Variants in ADGRV1 observed in about 807,000 individuals in gnomAD.
ADGRV1 encodes adhesion G protein-coupled receptor V1.
ADGRV1 carries 359 observed loss-of-function variants against 596.2 expected under a neutral mutation model. The ratio of observed to expected loss-of-function variants is 0.60; its 90% CI spans 0.55 to 0.66. ADGRV1 has a LOEUF of 0.66. Ranked by LOEUF, ADGRV1 falls within the 30% of genes least tolerant of loss-of-function variation. ADGRV1 has a pLI of 0.00. For synonymous variants in ADGRV1, 2,681 were observed against 2,679.2 expected (o/e 1.00, Z -0.02); for missense variants, 7,274 against 7,575.6 (o/e 0.96, Z 1.48).
intron 6 of ADGRV1, chr5:90,626,326 C>A (rs1764752654): frequency 6.6e-6 from 1 of 151,870 alleles, no homozygotes. Context: ...GCAAAAAAAC[C>A]TTTTTGTTTT....
chr5:90,741,693 TA>T (rs1407648477), intron 50 of ADGRV1, among the ~76,000 whole-genome samples: 1 of 152,216 alleles, frequency 6.6e-6, no homozygotes, highest in African/African-American at 2.4e-5. Flanking sequence ...GCCAGAGACT[TA>T]TTAAAGGACC....
At chr5:90,799,192 C>A (rs748855297) in intron 70 of ADGRV1, among the ~76,000 whole-genome samples, 61 of 152,134 alleles carry the variant, frequency 4.0e-4, no homozygotes, top group Non-Finnish European at 2.1e-4. Context: ...CATCTCAGCC[C>A]CAGATATCCT....
At chr5:90,774,551 T>C (rs1162895945) in intron 60 of ADGRV1, among the ~76,000 whole-genome samples, 2 of 152,170 alleles carry the variant, frequency 1.3e-5, no homozygotes, top group African/African-American at 4.8e-5. Flanking sequence ...AATGAAGATG[T>C]TTATTGTAGC....
intron 83 of ADGRV1, among the ~76,000 whole-genome samples, chr5:90,950,727 A>G (rs1242197045): frequency 2.0e-5 from 3 of 152,220 alleles, no homozygotes; most frequent in Non-Finnish European, 4.4e-5. Flanking sequence ...CCATTGAGTG[A>G]TGCACAGATG....
At chr5:91,091,014 G>A (rs1248773110) in intron 86 of ADGRV1, among the ~76,000 whole-genome samples, 3 of 152,102 alleles carry the variant, frequency 2.0e-5, no homozygotes, top group African/African-American at 4.8e-5. Flanking sequence ...TCTCACCGTG[G>A]TTTGTGGTCA....
Position 90,840,599 on chromosome 5 carries a change from A to C in ADGRV1, c.16633A>C (p.Ile5545Leu). The C allele has an allele frequency of 6.2e-7, 1 of 1,607,014 alleles. No individual in the cohort carries two copies. The highest frequency in any genetic ancestry group is 1.1e-5 in the South Asian group (1 of 90,534). ...STQELRSAET[I>L]GRTIISPAIS... ...CTAGGAGTTGAGGAGTGCTGAAACA[A>C]TTGGTCGTACCATCATATCTCCAGC... The change falls in exon 78 of 90, where the codon ATT becomes CTT. Residue 5545 changes from isoleucine (I) to leucine (L), a missense_variant. Physicochemically the swap from Ile to Leu is conservative, Grantham distance 5. Transcript: ENST00000405460.
intron 85 of ADGRV1, among the ~76,000 whole-genome samples, chr5:91,012,073 T>C (rs914856371): frequency 1.3e-5 from 2 of 152,108 alleles, no homozygotes; most frequent in Non-Finnish European, 1.5e-5. Flanking sequence ...GGACCTGAAA[T>C]ACAAACGACT....
chr5:90,594,002 C>T (rs1424172781), intron 1 of ADGRV1, among the ~76,000 whole-genome samples: 1 of 152,080 alleles, frequency 6.6e-6, no homozygotes, highest in African/African-American at 2.4e-5. Context: ...AAATAGTGAA[C>T]ATTTTTATAA....
intron 42 of ADGRV1, 68 bp downstream of exon 42, chr5:90,712,496 G>A (rs963888389): frequency 4.4e-5 from 50 of 1,148,522 alleles, no homozygotes; most frequent in Non-Finnish European, 5.7e-5. Context: ...GGGGGAAGAT[G>A]TAAAGGAATG....
chr5:90,633,768 A>G lies in ADGRV1; in HGVS notation c.1840-1346A>G, dbSNP rs1265174297. On this transcript the variant is annotated intron_variant, in intron 9 of 89. Coordinates refer to ENST00000405460, the MANE Select transcript of ADGRV1 (RefSeq NM_032119.4). ...TTTTATGTGGCTTCATCTATATGCC[A>G]ATACTTGACAAAATTGATCAATCTA... Among the ~76,000 whole-genome samples, 3 of 152,288 alleles carry G rather than the reference A, an allele frequency of 2.0e-5. No individual in the cohort carries two copies. The East Asian group carries it at 5.8e-4, about 29-fold the overall frequency.
Position 90,694,114 on chromosome 5 carries a change from C to T in ADGRV1, c.7358C>T (p.Ser2453Leu). 4.3e-6 allele frequency: 7 copies of T among 1,613,776 alleles called. 1 individual carries two copies. The highest frequency in any genetic ancestry group is 2.7e-5 in the African/African-American group (2 of 75,034). Residue 2453 changes from serine to leucine, a missense_variant, in exon 33 of 90, where the codon TCA (serine) becomes TTA (leucine). Coordinates refer to ENST00000405460, the MANE Select transcript of ADGRV1 (RefSeq NM_032119.4). ...AAGGAACAAGCTTGCTCAGCGTTTTCATTTTTCAGTGCTTCTGAGGGTCCC... is the reference window on the plus strand; with the variant it reads ...AAGGAACAAGCTTGCTCAGCGTTTTTATTTTTCAGTGCTTCTGAGGGTCCC... ...CLKEQACSAF[S>L]FFSASEGPQC...
At position 90,791,272 on chromosome 5, in the gene ADGRV1, G is replaced by A. The variant is rs1047853698; in HGVS notation, c.14443G>A (p.Glu4815Lys). 19 of 1,606,920 alleles carry A rather than the reference G, an allele frequency of 1.2e-5. No individual in the cohort carries two copies. The highest frequency in any genetic ancestry group is 2.2e-5 in the East Asian group (1 of 44,590). Residue 4815 changes from glutamate (E) to lysine (K), a missense_variant, in exon 70 of 90, where the codon GAA (glutamate) becomes AAA (lysine). Physicochemically the swap from Glu to Lys is moderately conservative, Grantham distance 56 (BLOSUM62 1). Around this residue, in one of 5 missense-constraint regions of ADGRV1, gnomAD observed 1,874 missense variants for 1,970.2 expected, o/e 0.95. Coordinates refer to ENST00000405460, the MANE Select transcript of ADGRV1 (RefSeq NM_032119.4). ...SDHKEQPIVT[E>K]NAERQLVVKD... ...TCATAAAGAACAGCCGATTGTTACC[G>A]AAAATGCAGAGAGGCAGCTGGTGGT...
rs761018772 is a variant in ADGRV1, at chr5:90,829,168, T to C, written c.16593T>C (p.Ser5531=). ...ATTCTGGGACAGGACTAATGATGTC[T>C]GTTAACTTTAGTACCCAGGTAAGCA... The part of the protein sequence containing the change: ...ARDSGTGLMM[S]VNFSTQELRS... The change falls in exon 77 of 90, where the codon TCT becomes TCC. Residue 5531 remains serine (S), a synonymous_variant. Coordinates refer to ENST00000405460, the MANE Select transcript of ADGRV1 (RefSeq NM_032119.4). The C allele has an allele frequency of 9.7e-6, 15 of 1,549,674 alleles. No homozygotes were observed. In the East Asian group the frequency reaches 3.4e-4, roughly 35 times the overall value.
At chr5:91,067,805 A>G (rs1260944561) in intron 85 of ADGRV1, among the ~76,000 whole-genome samples, 1 of 152,248 alleles carries the variant, frequency 6.6e-6, no homozygotes, top group Admixed American at 6.5e-5. Context: ...CTTGCTGTCA[A>G]TGGAATTCAT....
chr5:90,644,061 A>G, intron 14 of ADGRV1, 78 bp downstream of exon 14: 8 of 1,073,348 alleles, frequency 7.5e-6, no homozygotes, highest in Non-Finnish European at 1.0e-5. Flanking sequence ...TTCTTTAGTA[A>G]CTAGTTATTT....
intron 79 of ADGRV1, among the ~76,000 whole-genome samples, chr5:90,851,684 T>A (rs1157772763): frequency 2.6e-5 from 4 of 152,112 alleles, no homozygotes; most frequent in African/African-American, 9.7e-5. Flanking sequence ...TCAACTTAGG[T>A]ATAAAGCAGA....
In ADGRV1 at chr5:90,763,195, T is replaced by C. The variant is rs574430341; in HGVS notation, c.12121-110T>C. ...TGCCACATGATAATTACATGTAACA[T>C]TCTAAATTATAAAACTGCAGTCATT... On this transcript the variant is annotated intron_variant, in intron 58 of 89. Coordinates refer to ENST00000405460, the MANE Select transcript of ADGRV1 (RefSeq NM_032119.4). 2.0e-4 allele frequency: 191 copies of C among 976,466 alleles called. 3 individuals carry two copies. The South Asian group carries it at 5.6e-3, about 29-fold the overall frequency. 60.5% of individuals were successfully genotyped at this position (976,466 alleles called of 1,614,324 possible).
At chr5:91,019,960 A>G (rs1258182967) in intron 85 of ADGRV1, among the ~76,000 whole-genome samples, 1 of 152,012 alleles carries the variant, frequency 6.6e-6, no homozygotes, top group Non-Finnish European at 1.5e-5. Context: ...TTGAGCAGCT[A>G]GAATGTTAAA....
chr5:90,690,700 A>G (rs1476841961), intron 30 of ADGRV1, 97 bp from the exon 31 acceptor site: 1 of 1,222,342 alleles, frequency 8.2e-7, no homozygotes, highest in Non-Finnish European at 1.2e-6. Flanking sequence ...TAGATTGCTT[A>G]GGGGGGAAGA....
Sources: allele counts gnomAD v4.1 joint callset (sites outside exome capture counted in the v4.1 genomes callset), GRCh38; gene constraint gnomAD v4.1.1; regional missense constraint gnomAD v4.1.1; transcripts MANE v1.5; gene names NCBI Gene and HGNC (gene_info 2026-07-23, HGNC 2026-07-21).